NKAIN1: variants seen among roughly 807,000 people sequenced by gnomAD.
NKAIN1 encodes sodium/potassium-transporting ATPase subunit beta-1-interacting protein 1.
A neutral mutation model predicts 31.6 loss-of-function variants in NKAIN1; 13 were observed. The observed-to-expected ratio is 0.41, with a 90% CI of 0.27 to 0.65. The LOEUF is 0.65. NKAIN1 is among the 30% of genes least tolerant of loss of function. The pLI is 0.30. For missense variants in NKAIN1, 193 were observed against 262.2 expected (o/e 0.74, Z 1.82); for synonymous variants, 104 against 109.0 (o/e 0.95, Z 0.28).
Position 31,181,586 on chromosome 1 carries a change from G to A in NKAIN1, c.*117C>T, listed in dbSNP as rs1391312123. ...ATCTCCAGATGCAGACGCGGGGTTG[G>A]GCACAGGCTGCAGTGAGCGCGCGGG... On this transcript the variant is annotated 3_prime_UTR_variant, in exon 7 of 7. Coordinates refer to ENST00000373736, the MANE Select transcript of NKAIN1 (RefSeq NM_024522.3). The A allele has an allele frequency of 2.1e-6, 2 of 967,362 alleles. No individual in the cohort carries two copies. Among genetic ancestry groups the A allele is most frequent in the African/African-American group, 3.4e-5 (2 of 58,130 alleles). The allele number at this position is 967,362 out of a possible 1,614,324, so 59.9% of individuals were successfully genotyped here.
rs1273294306 is a variant in NKAIN1 at position 31,188,184 on chromosome 1, C to T, written c.58G>A (p.Ala20Thr). ...LVAFCCLQLV[A>T]ALERQIFDFL... is the part of the protein sequence containing the mutation. ...TCAAAGATCTGCCGCTCCAGCGCAG[C>T]CACCTGTGGAAGAGACAGGCTGAGG... Residue 20 changes from alanine to threonine, a missense_variant, in exon 2 of 7, where the codon GCT (alanine) becomes ACT (threonine). Transcript: ENST00000373736. The T allele has an allele frequency of 6.4e-7, 1 of 1,551,250 alleles. No homozygotes were observed. The highest frequency in any genetic ancestry group is 1.2e-5 in the South Asian group (1 of 84,040).
chr1:31,200,458 C>CTA (rs1553162490), intron 1 of NKAIN1, among the ~76,000 whole-genome samples: 6 of 121,886 alleles, frequency 4.9e-5, no homozygotes, highest in African/African-American at 1.6e-4. Flanking sequence ...TCTCCTCTCT[C>CTA]TTTTTTTTTT....
chr1:31,199,707 T>C (rs943794309), intron 1 of NKAIN1, among the ~76,000 whole-genome samples: 3 of 151,956 alleles, frequency 2.0e-5, no homozygotes, highest in African/African-American at 7.3e-5. Context: ...CAACATAAGA[T>C]TAAAAGGAAC....
At chr1:31,228,094 C>T (rs991762853) in intron 1 of NKAIN1, among the ~76,000 whole-genome samples, 1 of 152,186 alleles carries the variant, frequency 6.6e-6, no homozygotes, top group Non-Finnish European at 1.5e-5. Flanking sequence ...TTAGGGAGCG[C>T]GCTGAGTAGT....
chr1:31,207,869 C>G (rs565573032), intron 1 of NKAIN1, among the ~76,000 whole-genome samples: 1 of 152,098 alleles, frequency 6.6e-6, no homozygotes, highest in Non-Finnish European at 1.5e-5. Context: ...TGTCATTTTA[C>G]ATACATGGAT....
intron 1 of NKAIN1, among the ~76,000 whole-genome samples, chr1:31,213,533 G>T (rs574554120): frequency 2.0e-5 from 3 of 152,316 alleles, no homozygotes; most frequent in African/African-American, 7.2e-5. Flanking sequence ...CCAACAGCTG[G>T]ACACAGAGAT....
intron 1 of NKAIN1, among the ~76,000 whole-genome samples, chr1:31,206,587 C>T (rs1028021066): frequency 1.3e-5 from 2 of 151,938 alleles, no homozygotes; most frequent in African/African-American, 4.8e-5. Context: ...AGGTGCACAC[C>T]GCTACACCTG....
intron 1 of NKAIN1, among the ~76,000 whole-genome samples, chr1:31,207,137 C>T (rs1049553053): frequency 6.6e-6 from 1 of 152,178 alleles, no homozygotes; most frequent in Non-Finnish European, 1.5e-5. Flanking sequence ...ATTCTTGCTG[C>T]TTGTTCCCCA....
At chr1:31,236,559 A>G (rs1254637873) in intron 1 of NKAIN1, among the ~76,000 whole-genome samples, 1 of 152,060 alleles carries the variant, frequency 6.6e-6, no homozygotes, top group Non-Finnish European at 1.5e-5. Flanking sequence ...GGGCTCATGG[A>G]GGTTAGTGAC....
chr1:31,232,881 C>A (rs944500708), intron 1 of NKAIN1, among the ~76,000 whole-genome samples: 1 of 152,070 alleles, frequency 6.6e-6, no homozygotes, highest in Non-Finnish European at 1.5e-5. Context: ...TCATTTTACC[C>A]TTCTGAGCCT....
chr1:31,184,348 G>A (rs909958370), intron 3 of NKAIN1, among the ~76,000 whole-genome samples: 1 of 152,122 alleles, frequency 6.6e-6, no homozygotes, highest in Admixed American at 6.5e-5. Context: ...GCGACCCTGG[G>A]CGAACCTCTC....
chr1:31,181,849 C>T lies in NKAIN1; in HGVS notation c.614+11G>A, dbSNP rs1464703780. 5.6e-6 allele frequency: 9 copies of T among 1,601,834 alleles called. No homozygotes were observed. The highest frequency in any genetic ancestry group is 7.7e-6 in the Non-Finnish European group (9 of 1,174,986). On this transcript the variant is annotated intron_variant, in intron 6 of 6. Coordinates refer to ENST00000373736, the MANE Select transcript of NKAIN1 (RefSeq NM_024522.3). ...CAGGCCTCCCCAAGCCAGCAGGGGG[C>T]CGTGACCCACGTGTACAGAGGCTGC...
intron 1 of NKAIN1, among the ~76,000 whole-genome samples, chr1:31,204,226 C>T (rs1433236174): frequency 6.6e-6 from 1 of 152,056 alleles, no homozygotes; most frequent in African/African-American, 2.4e-5. Context: ...TCTGCTGGTC[C>T]CTAGGAGGCA....
chr1:31,187,187 G>A (rs1645250549), intron 2 of NKAIN1, among the ~76,000 whole-genome samples: 1 of 152,214 alleles, frequency 6.6e-6, no homozygotes, highest in South Asian at 2.1e-4. Flanking sequence ...GTGGGCTCTG[G>A]AGGCAGCATG....
At chr1:31,218,994 C>G (rs1170171421) in intron 1 of NKAIN1, among the ~76,000 whole-genome samples, 1 of 152,256 alleles carries the variant, frequency 6.6e-6, no homozygotes, top group Non-Finnish European at 1.5e-5. Context: ...GGAGCCCTGG[C>G]CTGCATTCTG....
At chr1:31,203,692 C>A (rs1398173628) in intron 1 of NKAIN1, among the ~76,000 whole-genome samples, 1 of 149,656 alleles carries the variant, frequency 6.7e-6, no homozygotes, top group South Asian at 2.1e-4. Flanking sequence ...TCAAGCAATT[C>A]TCCTGCCTCA....
chr1:31,188,328 C>T (rs1023778369), intron 1 of NKAIN1, 141 bp from the exon 2 acceptor site: 3 of 878,132 alleles, frequency 3.4e-6, no homozygotes, highest in South Asian at 3.5e-5. Flanking sequence ...CCTTCACTAC[C>T]AAAGGGATGC....
At chr1:31,231,031 C>T (rs957792740) in intron 1 of NKAIN1, among the ~76,000 whole-genome samples, 4 of 151,666 alleles carry the variant, frequency 2.6e-5, no homozygotes, top group Non-Finnish European at 5.9e-5. Flanking sequence ...TACAGGTGCC[C>T]GCCACCATGC....
At chr1:31,230,997 C>T (rs529813744) in intron 1 of NKAIN1, among the ~76,000 whole-genome samples, 1 of 149,292 alleles carries the variant, frequency 6.7e-6, no homozygotes, top group Admixed American at 6.8e-5. Context: ...ATTCTCCTGT[C>T]TTAGCCTCCT....
Sources: gnomAD v4.1 joint callset for allele counts (sites outside exome capture counted in the v4.1 genomes callset) on GRCh38, gnomAD v4.1.1 for gene constraint, MANE v1.5 for transcripts, NCBI Gene and HGNC (gene_info 2026-07-23, HGNC 2026-07-21) for gene names.